The following YAF2 variants were observed in gnomAD, a reference collection of about 807,000 sequenced individuals.
YAF2 encodes YY1 associated factor 2.
Under a neutral mutation model 20.1 loss-of-function variants are expected in YAF2, and 7 were observed. The observed-to-expected ratio is 0.35, with a 90% confidence interval of 0.20 to 0.65. The LOEUF (loss-of-function observed/expected upper bound fraction) is 0.65. YAF2 is among the 30% of genes least tolerant of loss of function. The pLI, the probability that YAF2 is intolerant of heterozygous loss-of-function variation, is 0.69. For missense variants in YAF2, 151 were observed against 219.2 expected (o/e 0.69, Z 1.96); for synonymous variants, 74 against 76.0 (o/e 0.97, Z 0.14).
At chr12:42,202,185 AATGTTCCAAATATGT>A (rs1332319509) in intron 2 of YAF2, among the ~76,000 whole-genome samples, 1 of 152,096 alleles carries the variant, frequency 6.6e-6, no homozygotes, top group African/African-American at 2.4e-5. Context: ...AGCCTTCACC[AATGTTCCAAATATGT>A]ATGAATCCAT....
In YAF2 at chr12:42,158,350, T is replaced by C. The variant is rs914814669; in HGVS notation, c.*2239A>G. The C allele has an allele frequency of 2.0e-5, 3 of 152,322 alleles. No individual in the cohort carries two copies. The Middle Eastern group carries it at 0.01, about 518-fold the overall frequency. The allele number at this position is 152,322 out of a possible 1,614,324, so 9.4% of individuals were successfully genotyped here. A position where few individuals can be genotyped will look rare whatever the true frequency, so the allele number is the denominator to read the frequency against. Reference sequence around the variant, plus strand: ...TGAAATCTATAAAACACTATTACTTTAGGTCATCCAAGAGGGCAGGAAAAT... The same window carrying C: ...TGAAATCTATAAAACACTATTACTTCAGGTCATCCAAGAGGGCAGGAAAAT... On this transcript the variant is annotated 3_prime_UTR_variant, in exon 4 of 4. Transcript: ENST00000534854.
intron 2 of YAF2, among the ~76,000 whole-genome samples, chr12:42,174,716 T>C (rs1346163384): frequency 6.6e-6 from 1 of 152,204 alleles, no homozygotes; most frequent in African/African-American, 2.4e-5. Flanking sequence ...GTTTTAAGTA[T>C]CATCTGTACA....
intron 2 of YAF2, among the ~76,000 whole-genome samples, chr12:42,221,813 C>G (rs1416485864): frequency 6.6e-6 from 1 of 152,146 alleles, no homozygotes; most frequent in Non-Finnish European, 1.5e-5. Context: ...GTTTTGAAAA[C>G]AATAGTAGTC....
At chr12:42,215,989 A>G (rs1203692510) in intron 2 of YAF2, among the ~76,000 whole-genome samples, 2 of 151,806 alleles carry the variant, frequency 1.3e-5, no homozygotes, top group Non-Finnish European at 2.9e-5. Context: ...GCTACTGTAC[A>G]TTTACTTACC....
intron 2 of YAF2, among the ~76,000 whole-genome samples, chr12:42,205,237 T>C (rs115477036): frequency 0.011 from 1,599 of 152,214 alleles, 29 homozygotes; most frequent in African/African-American, 0.037. Context: ...ATTTTAAAAA[T>C]CACCATTATA....
At chr12:42,235,067 G>C (rs2068105021) in intron 2 of YAF2, 1 of 985,342 alleles carries the variant, frequency 1.0e-6, no homozygotes, top group African/African-American at 1.7e-5. Context: ...AAAGAAAAAA[G>C]TTTTTCAAAT....
rs73127418 is a variant in YAF2 at position 42,157,298 on chromosome 12, T to A, written c.*3291A>T. 7,092 of 152,256 alleles carry A rather than the reference T, an allele frequency of 0.047. 258 individuals carry two copies. The highest frequency in any genetic ancestry group is 0.15 in the East Asian group (762 of 5,176). 9.4% of individuals were successfully genotyped at this position (152,256 alleles called of 1,614,324 possible). On this transcript the variant is annotated 3_prime_UTR_variant, in exon 4 of 4. Coordinates refer to ENST00000534854, the MANE Select transcript of YAF2 (RefSeq NM_005748.6). ...AACAACCCACTCTTGTGAGAATTCATCCATTCCTGCAAGAGCGAATCCATT... is the reference window on the plus strand; with the variant it reads ...AACAACCCACTCTTGTGAGAATTCAACCATTCCTGCAAGAGCGAATCCATT...
intron 2 of YAF2, chr12:42,234,140 C>T (rs886470802): frequency 1.0e-4 from 96 of 922,294 alleles, no homozygotes; most frequent in Non-Finnish European, 1.2e-4. Flanking sequence ...CACTGTACTC[C>T]AGCCTGGGCG....
intron 2 of YAF2, chr12:42,235,963 A>G (rs1396047891): frequency 1.3e-6 from 2 of 1,535,956 alleles, no homozygotes; most frequent in Non-Finnish European, 1.7e-6. Flanking sequence ...CTGGCTGTGG[A>G]GTAGGACACC....
intron 2 of YAF2, among the ~76,000 whole-genome samples, chr12:42,212,157 T>C (rs1490356689): frequency 1.3e-5 from 2 of 151,828 alleles, no homozygotes; most frequent in Non-Finnish European, 2.9e-5. Context: ...ACAAAAGAAA[T>C]ACAGCAAATT....
chr12:42,233,194 ATCT>A, intron 2 of YAF2: 2 of 985,428 alleles, frequency 2.0e-6, no homozygotes, highest in Non-Finnish European at 2.4e-6. Context: ...ACTATGTGAA[ATCT>A]TTTTTATAGC....
intron 2 of YAF2, among the ~76,000 whole-genome samples, chr12:42,227,590 ACCCTCTG>A (rs1169947809): frequency 7.5e-6 from 1 of 132,898 alleles, no homozygotes; most frequent in Non-Finnish European, 1.6e-5. Context: ...AAGTGAGGAG[ACCCTCTG>A]CCTGGCAACC....
At chr12:42,232,879 C>T (rs2068024349) in intron 2 of YAF2, 2 of 985,244 alleles carry the variant, frequency 2.0e-6, no homozygotes, top group Non-Finnish European at 2.4e-6. Flanking sequence ...TTATAAACAA[C>T]ATATATTTTT....
At chr12:42,167,425 A>T (rs1160016850) in intron 2 of YAF2, among the ~76,000 whole-genome samples, 1 of 152,236 alleles carries the variant, frequency 6.6e-6, no homozygotes, top group Admixed American at 6.5e-5. Context: ...CAAAAGGTCC[A>T]TATGGTAATT....
At chr12:42,168,608 T>C (rs2065970856) in intron 2 of YAF2, among the ~76,000 whole-genome samples, 1 of 152,142 alleles carries the variant, frequency 6.6e-6, no homozygotes, top group Non-Finnish European at 1.5e-5. Context: ...GACTCTAACC[T>C]GGTATTTAGC....
At chr12:42,193,752 C>G (rs2066677036) in intron 2 of YAF2, among the ~76,000 whole-genome samples, 1 of 152,194 alleles carries the variant, frequency 6.6e-6, no homozygotes, top group Non-Finnish European at 1.5e-5. Context: ...GATCTGCCTG[C>G]ATCGGCCTCC....
At chr12:42,225,554 G>C (rs1024520751) in intron 2 of YAF2, among the ~76,000 whole-genome samples, 4 of 152,122 alleles carry the variant, frequency 2.6e-5, no homozygotes, top group Non-Finnish European at 5.9e-5. Flanking sequence ...TCAATTTTGT[G>C]TAAAGTGTAA....
intron 2 of YAF2, chr12:42,205,820 A>G: frequency 3.0e-6 from 1 of 328,606 alleles, no homozygotes; most frequent in Non-Finnish European, 6.2e-6. Context: ...TTCATTAAAG[A>G]TTATAAATTT....
Position 42,237,756 on chromosome 12 carries a change from CG to C in YAF2, c.27-33del, listed in dbSNP as rs1242588519. On this transcript the variant is annotated intron_variant, in intron 1 of 3. Coordinates refer to ENST00000534854, the MANE Select transcript of YAF2 (RefSeq NM_005748.6). ...GACACAACCCGGACACGACGCGGCGCGGGGTCACCAGCAGGCCGCGCCCGGT... is the reference window on the plus strand; with the variant it reads ...GACACAACCCGGACACGACGCGGCGCGGGTCACCAGCAGGCCGCGCCCGGT... The C allele has an allele frequency of 3.4e-6, 5 of 1,474,258 alleles. No homozygotes were observed. The South Asian group carries it at 6.4e-5, about 19-fold the overall frequency. 91.3% of individuals were successfully genotyped at this position (1,474,258 alleles called of 1,614,324 possible).
Sources: gnomAD v4.1 joint callset for allele counts (sites outside exome capture counted in the v4.1 genomes callset) on GRCh38, gnomAD v4.1.1 for gene constraint, MANE v1.5 for transcripts, NCBI Gene and HGNC (gene_info 2026-07-23, HGNC 2026-07-21) for gene names.